The following FBXW5 variants were observed in gnomAD, a reference collection of about 807,000 sequenced individuals.
FBXW5 encodes the protein F-box and WD repeat domain containing 5.
FBXW5 carries 74 observed loss-of-function variants against 50.9 expected under a neutral mutation model. The ratio of observed to expected loss-of-function variants is 1.45; its 90% CI spans 1.20 to 1.76. The LOEUF is 1.76. Among genes scored for constraint, FBXW5 ranks in the 40% most tolerant of loss-of-function variants. FBXW5 has a pLI of 0.00. For synonymous variants in FBXW5, 523 were observed against 362.2 expected (o/e 1.44, Z -5.04); for missense variants, 1,073 against 818.8 (o/e 1.31, Z -3.79).
chr9:136,941,999 C>T, intron 6 of FBXW5, 47 bp downstream of exon 6: 1 of 1,550,598 alleles, frequency 6.4e-7, no homozygotes, highest in South Asian at 1.2e-5. Context: ...CCCGGCCTCC[C>T]CCAAGCTCCT....
chr9:136,943,984 G>A lies in FBXW5; in HGVS notation c.100C>T (p.Arg34Cys), dbSNP rs1056606633. 1 of 1,584,308 alleles carries A rather than the reference G, an allele frequency of 6.3e-7. No homozygotes were observed. The highest frequency in any genetic ancestry group is 8.6e-7 in the Non-Finnish European group (1 of 1,166,582). Residue 34 changes from arginine to cysteine, a missense_variant, in exon 2 of 9, where the codon CGC (arginine) becomes TGC (cysteine). Arg to Cys is a radical substitution (Grantham distance 180). Transcript: ENST00000325285. ...ADVLAAGLVC[R>C]QWQAVSRDEF... ...TCCCGCGACACGGCCTGCCATTGGCGGCACACCAGCCCGGCGGCCAGCACG... is the reference window on the plus strand; with the variant it reads ...TCCCGCGACACGGCCTGCCATTGGCAGCACACCAGCCCGGCGGCCAGCACG...
chr9:136,940,879 T>C lies in FBXW5; in HGVS notation c.*49A>G, dbSNP rs751724364. 3.6e-5 allele frequency: 56 copies of C among 1,546,380 alleles called. No homozygotes were observed. The highest frequency in any genetic ancestry group is 4.9e-5 in the Non-Finnish European group (56 of 1,147,692). On this transcript the variant is annotated 3_prime_UTR_variant, in exon 9 of 9. Transcript: ENST00000325285. ...CCGCTCGGGAAAAAGCCACAGAGCC[T>C]GGCGATGTCCTCAAGGGGTCCCGGT...
rs945128052 is a variant in FBXW5, at chr9:136,942,636, G to C, written c.586C>G (p.Leu196Val). 1 of 1,609,528 alleles carries C rather than the reference G, an allele frequency of 6.2e-7. No individual in the cohort carries two copies. Among genetic ancestry groups the C allele is most frequent in the Admixed American group, 1.7e-5 (1 of 59,436 alleles). Residue 196 changes from leucine (L) to valine (V), a missense_variant, in exon 5 of 9, where the codon CTC becomes GTC. By Grantham distance (32) the Leu-to-Val change is conservative (BLOSUM62 1). Transcript: ENST00000325285. ...CCCGAGATGAGGCTGGTCTCGGTGAGCCAACAGCCAAACACGTCATAGGGC... is the reference window on the plus strand; with the variant it reads ...CCCGAGATGAGGCTGGTCTCGGTGACCCAACAGCCAAACACGTCATAGGGC... ...NKPYDVFGCW[L>V]TETSLISGNL...
chr9:136,943,047 G>A (rs1850859038), intron 3 of FBXW5, 104 bp from the exon 4 acceptor site: 1 of 1,558,246 alleles, frequency 6.4e-7, no homozygotes, highest in Non-Finnish European at 8.7e-7. Flanking sequence ...CTACTCAGAG[G>A]CCACCAGGGA....
intron 6 of FBXW5, 133 bp from the exon 7 acceptor site, chr9:136,941,817 G>A (rs1045652531): frequency 1.4e-5 from 20 of 1,440,656 alleles, no homozygotes; most frequent in East Asian, 5.0e-5. Context: ...TGCTCCGGGG[G>A]CCCCAGACCT....
Position 136,941,627 on chromosome 9 carries a change from C to T in FBXW5, c.1154G>A (p.Gly385Asp), listed in dbSNP as rs1850772912. 1.3e-6 allele frequency: 2 copies of T among 1,581,482 alleles called. No homozygotes were observed. The highest frequency in any genetic ancestry group is 8.6e-7 in the Non-Finnish European group (1 of 1,164,336). ...MTTAGPVLGE[G>D]RGSDAFFDAL... ...GTCGAAGAAGGCATCGGAGCCCCGG[C>T]CCTCACCCAGCACGGGCCCTGCCGT... Residue 385 changes from glycine (G) to aspartate (D), a missense_variant, in exon 7 of 9, where the codon GGC (glycine) becomes GAC (aspartate). By Grantham distance (94) the Gly-to-Asp change is moderately conservative (BLOSUM62 -1). Coordinates refer to ENST00000325285, the MANE Select transcript of FBXW5 (RefSeq NM_018998.4).
Position 136,942,349 on chromosome 9 carries a change from G to A in FBXW5, c.793C>T (p.Leu265=). Residue 265 remains leucine (L), a synonymous_variant, in exon 6 of 9, where the codon CTG becomes TTG. Transcript: ENST00000325285. The part of the protein sequence containing the change: ...ADCSRFDSPD[L]LLEAGDPATS... ...GCCGGGTCACCGGCTTCCAGCAGCA[G>A]GTCAGGGCTGTCGAAGCGGCTGCAG... 3.7e-6 allele frequency: 6 copies of A among 1,606,878 alleles called. No individual in the cohort carries two copies. The highest frequency in any genetic ancestry group is 1.1e-5 in the South Asian group (1 of 90,354).
chr9:136,943,427 G>C lies in FBXW5; in HGVS notation c.273C>G (p.His91Gln). ...PCVEVQTLREHTDQVLHLSFS... is the reference protein window; with the variant it reads ...PCVEVQTLREQTDQVLHLSFS... ...AGCTGAGGTGCAGGACCTGGTCTGTGTGTTCCCGCAGCGTCTGCACCTCCA... is the reference window on the plus strand; with the variant it reads ...AGCTGAGGTGCAGGACCTGGTCTGTCTGTTCCCGCAGCGTCTGCACCTCCA... Residue 91 changes from histidine to glutamine, a missense_variant, in exon 3 of 9, where the codon CAC (histidine) becomes CAG (glutamine). By Grantham distance (24) the His-to-Gln change is conservative. Transcript: ENST00000325285. 6.2e-7 allele frequency: 1 copy of C among 1,612,912 alleles called. No homozygotes were observed. The highest frequency in any genetic ancestry group is 8.5e-7 in the Non-Finnish European group (1 of 1,179,970).
At position 136,944,137 on chromosome 9, in the gene FBXW5, AG is replaced by A. The variant is rs1232224511; in HGVS notation, c.-23-32del. The A allele has an allele frequency of 3.3e-6, 5 of 1,503,220 alleles. No individual in the cohort carries two copies. The Admixed American group carries it at 1.1e-4, about 32-fold the overall frequency. The allele number at this position is 1,503,220 out of a possible 1,614,324, so 93.1% of individuals were successfully genotyped here. On this transcript the variant is annotated intron_variant, in intron 1 of 8. Transcript: ENST00000325285. ...ACCCACCAACGGCTGCCCTCAGCCCAGGCCCGGGAAGGGAGGCCGAGAGCGG... is the reference window on the plus strand; with the variant it reads ...ACCCACCAACGGCTGCCCTCAGCCCAGCCCGGGAAGGGAGGCCGAGAGCGG...
chr9:136,942,146 G>C lies in FBXW5; in HGVS notation c.996C>G (p.Ala332=). ...GCTCGGGTGGCTTGGTGTGGCCCTG[G>C]GCCAGCAGCTCGGCCACCTTGGTCT... The part of the protein sequence containing the change: ...MLETKVAELL[A]QGHTKPPERS... Residue 332 remains alanine, a synonymous_variant, in exon 6 of 9, where the codon GCC becomes GCG. Transcript: ENST00000325285. 6.2e-7 allele frequency: 1 copy of C among 1,609,462 alleles called. No individual in the cohort carries two copies. The highest frequency in any genetic ancestry group is 8.5e-7 in the Non-Finnish European group (1 of 1,178,244).
At position 136,942,154 on chromosome 9, in the gene FBXW5, GCTCGGCCACCTTGGT is replaced by G; in HGVS notation, c.973_987del (p.Thr325_Glu329del). 1 of 1,606,452 alleles carries G rather than the reference GCTCGGCCACCTTGGT, an allele frequency of 6.2e-7. No homozygotes were observed. Among genetic ancestry groups the G allele is most frequent in the Non-Finnish European group, 8.5e-7 (1 of 1,177,036 alleles). Reference sequence around the variant, plus strand: ...GGCTTGGTGTGGCCCTGGGCCAGCAGCTCGGCCACCTTGGTCTCTAGCATGCGCTCCGACAGCTGT... The same window carrying G: ...GGCTTGGTGTGGCCCTGGGCCAGCAGCTCTAGCATGCGCTCCGACAGCTGT... On this transcript the variant is annotated inframe_deletion, in exon 6 of 9. Coordinates refer to ENST00000325285, the MANE Select transcript of FBXW5 (RefSeq NM_018998.4).
intron 3 of FBXW5, among the ~76,000 whole-genome samples, 195 bp downstream of exon 3, chr9:136,943,154 C>G (rs922174685): frequency 6.6e-6 from 1 of 152,150 alleles, no homozygotes; most frequent in Non-Finnish European, 1.5e-5. Flanking sequence ...GTGGGACCCT[C>G]TCCTCAGCAC....
rs758012073 is a variant in FBXW5 at position 136,942,641 on chromosome 9, C to A, written c.581G>T (p.Cys194Phe). ...GATGAGGCTGGTCTCGGTGAGCCAA[C>A]AGCCAAACACGTCATAGGGCTTGTT... The part of the protein sequence containing the change: ...VRNKPYDVFG[C>F]WLTETSLISG... Residue 194 changes from cysteine to phenylalanine, a missense_variant, in exon 5 of 9, where the codon TGT (cysteine) becomes TTT (phenylalanine). Coordinates refer to ENST00000325285, the MANE Select transcript of FBXW5 (RefSeq NM_018998.4). 1 of 1,609,484 alleles carries A rather than the reference C, an allele frequency of 6.2e-7. No homozygotes were observed. Among genetic ancestry groups the A allele is most frequent in the African/African-American group, 1.3e-5 (1 of 74,802 alleles).
At position 136,940,583 on chromosome 9, in the gene FBXW5, T is replaced by G. The variant is rs987652128; in HGVS notation, c.*345A>C. 5.9e-6 allele frequency: 2 copies of G among 338,220 alleles called. No individual in the cohort carries two copies. The highest frequency in any genetic ancestry group is 1.1e-5 in the Non-Finnish European group (2 of 175,322). 21.0% of individuals were successfully genotyped at this position (338,220 alleles called of 1,614,324 possible). ...AGCCCCTGCCACCACTGGGCCACCGTCCAGGGCCCCACAGGACCAGCCGAA... is the reference window on the plus strand; with the variant it reads ...AGCCCCTGCCACCACTGGGCCACCGGCCAGGGCCCCACAGGACCAGCCGAA... On this transcript the variant is annotated 3_prime_UTR_variant, in exon 9 of 9. Transcript: ENST00000325285.
rs766865644 is a variant in FBXW5 at position 136,943,397 on chromosome 9, G to A, written c.303C>T (p.Ser101=). The change falls in exon 3 of 9, where the codon TCC becomes TCT. Residue 101 remains serine, a synonymous_variant. Coordinates refer to ENST00000325285, the MANE Select transcript of FBXW5 (RefSeq NM_018998.4). The part of the protein sequence containing the change: ...HTDQVLHLSF[S]HSGYQFASCS... The stretch of plus-strand genomic sequence containing the variant: ...AGGACGCGAACTGGTACCCGGAATG[G>A]GAGAAGCTGAGGTGCAGGACCTGGT... 2.5e-6 allele frequency: 4 copies of A among 1,612,778 alleles called. No homozygotes were observed. The highest frequency in any genetic ancestry group is 2.2e-5 in the South Asian group (2 of 91,086).
At chr9:136,943,276 A>T in intron 3 of FBXW5, 73 bp downstream of exon 3, 2 of 1,045,504 alleles carry the variant, frequency 1.9e-6, no homozygotes, top group Non-Finnish European at 2.8e-6. Context: ...ACCTGGTTGG[A>T]ACGCCTGGGT....
rs1014558110 is a variant in FBXW5 at position 136,942,042 on chromosome 9, G to C, written c.1096+4C>G. The C allele has an allele frequency of 6.2e-7, 1 of 1,601,514 alleles. No individual in the cohort carries two copies. Among genetic ancestry groups the C allele is most frequent in the Non-Finnish European group, 8.5e-7 (1 of 1,171,192 alleles). On this transcript the variant is annotated splice_donor_region_variant and intron_variant, in intron 6 of 8. Transcript: ENST00000325285. Reference sequence around the variant, plus strand: ...AGGCGGGCAGCATGGCGGCAGGGGTGTACCGATCTGGTGTGGGGAGTAGGT... The same window carrying C: ...AGGCGGGCAGCATGGCGGCAGGGGTCTACCGATCTGGTGTGGGGAGTAGGT...
In FBXW5 at chr9:136,944,065, G is replaced by T. The variant is rs563358740; in HGVS notation, c.19C>A (p.Pro7Thr). The change falls in exon 2 of 9, where the codon CCC becomes ACC. Residue 7 changes from proline to threonine, a missense_variant. By Grantham distance (38) the Pro-to-Thr change is conservative. Transcript: ENST00000325285. MDEGGTPLLPDSLVYQI... is the reference protein window; with the variant it reads MDEGGTTLLPDSLVYQI... ...TAGACCAGGCTGTCGGGGAGCAGGG[G>T]CGTGCCGCCCTCGTCCATCGTGACA... The T allele has an allele frequency of 1.3e-6, 2 of 1,599,974 alleles. No individual in the cohort carries two copies. Among genetic ancestry groups the T allele is most frequent in the African/African-American group, 2.7e-5 (2 of 74,744 alleles).
intron 6 of FBXW5, 142 bp from the exon 7 acceptor site, chr9:136,941,826 C>G (rs1004207333): frequency 6.9e-7 from 1 of 1,439,820 alleles, no homozygotes; most frequent in Non-Finnish European, 9.1e-7. Flanking sequence ...GGCCCCAGAC[C>G]TGAATCAGGC....
Sources: gnomAD v4.1 joint callset for allele counts (sites outside exome capture counted in the v4.1 genomes callset) on GRCh38, gnomAD v4.1.1 for gene constraint, MANE v1.5 for transcripts, NCBI Gene and HGNC (gene_info 2026-07-23, HGNC 2026-07-21) for gene names.